The following C2CD3 variants were observed in gnomAD, a reference collection of about 807,000 sequenced individuals.
C2CD3 encodes the protein C2 domain-containing protein 3.
A neutral mutation model predicts 234.0 loss-of-function variants in C2CD3; 148 were observed. The ratio of observed to expected loss-of-function variants is 0.63; its 90% confidence interval spans 0.55 to 0.72. C2CD3 has a LOEUF of 0.72. Among genes scored for constraint, C2CD3 ranks in the 30% least tolerant of loss-of-function variants. The pLI is 0.00. For synonymous variants in C2CD3, 1,000 were observed against 1,035.4 expected (o/e 0.97, Z 0.66); for missense variants, 2,577 against 2,811.5 (o/e 0.92, Z 1.89).
intron 7 of C2CD3, among the ~76,000 whole-genome samples, chr11:74,124,242 T>C (rs913902913): frequency 1.3e-5 from 2 of 152,194 alleles, no homozygotes; most frequent in African/African-American, 4.8e-5. Flanking sequence ...TCCATGTTGC[T>C]TCCTTTCAAG....
intron 24 of C2CD3, among the ~76,000 whole-genome samples, chr11:74,071,362 A>G (rs752824125): frequency 8.5e-5 from 13 of 152,208 alleles, no homozygotes; most frequent in Non-Finnish European, 1.3e-4. Context: ...CCCTGCAGTG[A>G]TAAGCCCATG....
intron 7 of C2CD3, among the ~76,000 whole-genome samples, chr11:74,124,844 C>A (rs1957353385): frequency 6.6e-6 from 1 of 151,974 alleles, no homozygotes; most frequent in Admixed American, 6.6e-5. Context: ...CTTTGTACAC[C>A]CTTAAAAGTT....
chr11:74,106,990 T>C (rs1260156392), intron 12 of C2CD3, among the ~76,000 whole-genome samples: 2 of 152,190 alleles, frequency 1.3e-5, no homozygotes, highest in African/African-American at 4.8e-5. Flanking sequence ...TTATGCTCTT[T>C]GGCCCAGTAA....
Position 74,074,544 on chromosome 11 carries a change from C to T in C2CD3, c.4660G>A (p.Val1554Ile). 1.2e-6 allele frequency: 2 copies of T among 1,614,174 alleles called. No individual in the cohort carries two copies. The highest frequency in any genetic ancestry group is 1.7e-5 in the Admixed American group (1 of 60,022). ...ASNLSGAALR[V>I]HVVLSSLSSH... Reference sequence around the variant, plus strand: ...GAAAGAGAGGAAAGAACCACATGAACTCGCAAGGCAGCTCCTGAGAGGTTG... The same window carrying T: ...GAAAGAGAGGAAAGAACCACATGAATTCGCAAGGCAGCTCCTGAGAGGTTG... Residue 1554 changes from valine to isoleucine, a missense_variant, in exon 24 of 33, where the codon GTT becomes ATT. Val to Ile is a conservative substitution (Grantham distance 29). Coordinates refer to ENST00000334126, the MANE Select transcript of C2CD3 (RefSeq NM_001286577.2).
chr11:74,093,810 C>T lies in C2CD3; in HGVS notation c.3344+6G>A. ...TAGGCATAGGACTGGGGTCTCCACA[C>T]TGTACCTGCACCAGATTTCAAACTG... On this transcript the variant is annotated splice_donor_region_variant and intron_variant, in intron 18 of 32. Transcript: ENST00000334126. The T allele has an allele frequency of 1.2e-6, 2 of 1,612,938 alleles. No homozygotes were observed. Among genetic ancestry groups the T allele is most frequent in the Non-Finnish European group, 1.7e-6 (2 of 1,179,314 alleles).
At chr11:74,090,332 C>G (rs1955834286) in intron 20 of C2CD3, among the ~76,000 whole-genome samples, 1 of 152,136 alleles carries the variant, frequency 6.6e-6, no homozygotes, top group South Asian at 2.1e-4. Flanking sequence ...AGTTCGAGAT[C>G]AGCCTGACCA....
intron 23 of C2CD3, 127 bp downstream of exon 23, chr11:74,077,988 T>C: frequency 8.8e-7 from 1 of 1,133,232 alleles, no homozygotes; most frequent in Non-Finnish European, 1.2e-6. Context: ...GTAAAATGGG[T>C]ATAATACCTA....
chr11:74,063,287 C>A (rs1476555857), intron 24 of C2CD3, among the ~76,000 whole-genome samples: 4 of 152,318 alleles, frequency 2.6e-5, no homozygotes, highest in Non-Finnish European at 5.9e-5. Flanking sequence ...ATGAGGCCAA[C>A]ATCATACTGA....
At chr11:74,110,213 T>C (rs1307042896) in intron 11 of C2CD3, among the ~76,000 whole-genome samples, 1 of 148,008 alleles carries the variant, frequency 6.8e-6, no homozygotes, top group Non-Finnish European at 1.5e-5. Flanking sequence ...TTATCACCTA[T>C]AAAATGATCT....
At chr11:74,092,612 T>C (rs775654115) in intron 18 of C2CD3, 24 bp from the exon 19 acceptor site, 21 of 1,595,712 alleles carry the variant, frequency 1.3e-5, no homozygotes, top group East Asian at 2.2e-5. Context: ...AAGCACACGT[T>C]GTCAGAAGAA....
chr11:74,045,435 C>G (rs1953313240), intron 28 of C2CD3, among the ~76,000 whole-genome samples: 1 of 152,152 alleles, frequency 6.6e-6, no homozygotes, highest in African/African-American at 2.4e-5. Flanking sequence ...ACAAAGCCAG[C>G]AGGAATTTTG....
rs760486526 is a variant in C2CD3, at chr11:74,095,340, T to G, written c.3048A>C (p.Leu1016=). Residue 1016 remains leucine (L), a synonymous_variant, in exon 17 of 33, where the codon CTA becomes CTC. Coordinates refer to ENST00000334126, the MANE Select transcript of C2CD3 (RefSeq NM_001286577.2). ...CCCAGACTGTTGCCTGAAGAGGGGC[T>G]AGCCCTTTAACCATCTCTATATGGA... is the stretch of plus-strand genomic sequence containing the variant. ...FEIHIEMVKG[L]APLQATVWGE... is the part of the protein sequence containing the mutation. The G allele has an allele frequency of 1.1e-5, 18 of 1,613,860 alleles. No individual in the cohort carries two copies. The highest frequency in any genetic ancestry group is 1.5e-5 in the Non-Finnish European group (18 of 1,179,784).
chr11:74,162,141 C>T (rs1396109981), intron 2 of C2CD3, among the ~76,000 whole-genome samples: 3 of 151,976 alleles, frequency 2.0e-5, no homozygotes, highest in African/African-American at 4.8e-5. Flanking sequence ...ATTTTACAAG[C>T]TGTAAATTGA....
At chr11:74,021,771 G>A (rs1299106943) in intron 32 of C2CD3, among the ~76,000 whole-genome samples, 1 of 152,200 alleles carries the variant, frequency 6.6e-6, no homozygotes, top group East Asian at 1.9e-4. Context: ...ATATTACACT[G>A]GCTACAGTGT....
In C2CD3 at chr11:74,078,586, C is replaced by T. The variant is rs780755964; in HGVS notation, c.4132G>A (p.Val1378Met). 3 of 1,614,178 alleles carry T rather than the reference C, an allele frequency of 1.9e-6. No individual in the cohort carries two copies. The African/African-American group carries it at 4.0e-5, about 22-fold the overall frequency. ...CCCAAATGCTCAGCAGCTTCCAACA[C>T]CCGTTCTCTATCTCCACGATGCGTG... ...SFTHRGDRER[V>M]LEAAEHLGWS... The change falls in exon 23 of 33, where the codon GTG becomes ATG. Residue 1378 changes from valine (V) to methionine (M), a missense_variant. Physicochemically the swap from Val to Met is conservative, Grantham distance 21 (BLOSUM62 1). Transcript: ENST00000334126.
Position 74,102,749 on chromosome 11 carries a change from C to T in C2CD3, c.2580+382G>A, listed in dbSNP as rs180961264. ...CAGAAAAATCAAGTTAAGATGAATA[C>T]TGAAGTAGGCAGAAGAATAAATGTG... On this transcript the variant is annotated intron_variant, in intron 14 of 32. Transcript: ENST00000334126. 3.2e-3 allele frequency among the ~76,000 whole-genome samples: 491 copies of T among 152,132 alleles called. 3 individuals carry two copies. In the Middle Eastern group the frequency reaches 0.034, roughly 11 times the overall value.
intron 14 of C2CD3, among the ~76,000 whole-genome samples, chr11:74,102,862 G>A (rs751791070): frequency 1.2e-4 from 19 of 152,120 alleles, no homozygotes; most frequent in Non-Finnish European, 2.6e-4. Context: ...AGAGGAAGCA[G>A]AAAGGAATAG....
chr11:74,024,172 G>A (rs898981329), intron 32 of C2CD3, among the ~76,000 whole-genome samples: 1 of 152,172 alleles, frequency 6.6e-6, no homozygotes, highest in African/African-American at 2.4e-5. Flanking sequence ...TAAAGGTCAT[G>A]TTACATCCAG....
At chr11:74,057,686 T>A in intron 24 of C2CD3, 142 bp from the exon 25 acceptor site, 1 of 873,884 alleles carries the variant, frequency 1.1e-6, no homozygotes, top group South Asian at 1.7e-5. Context: ...TGAAATGTTT[T>A]CAGGCTGGGT....
Sources: allele counts gnomAD v4.1 joint callset (sites outside exome capture counted in the v4.1 genomes callset), GRCh38; gene constraint gnomAD v4.1.1; transcripts MANE v1.5; gene names NCBI Gene and HGNC (gene_info 2026-07-23, HGNC 2026-07-21).